The following UBE3A variants were observed in gnomAD, a reference collection of about 807,000 sequenced individuals.
UBE3A encodes ubiquitin-protein ligase E3A.
UBE3A carries 6 observed loss-of-function variants against 83.4 expected under a neutral mutation model. The ratio of observed to expected loss-of-function variants is 0.07; its 90% CI spans 0.04 to 0.14. The LOEUF is 0.14. Among genes scored for constraint, UBE3A ranks in the 10% least tolerant of loss-of-function variants. The probability of loss-of-function intolerance (pLI) is 1.00; values close to 1 mark genes in which losing one functional copy is unlikely to be tolerated. For synonymous variants in UBE3A, 337 were observed against 355.4 expected (o/e 0.95, Z 0.58); for missense variants, 456 against 1,036.1 (o/e 0.44, Z 7.69).
At position 25,351,400 on chromosome 15, in the gene UBE3A, G is replaced by C. The variant is rs898895424; in HGVS notation, c.2354+2953C>G. Among the ~76,000 whole-genome samples, 3 of 152,152 alleles carry C rather than the reference G, an allele frequency of 2.0e-5. No individual in the cohort carries two copies. In the East Asian group the frequency reaches 5.8e-4, roughly 29 times the overall value. ...AAAATTACTAGAAAAGACAGAAAGC[G>C]AGTGAGACTTTTAAGTTATTCCTAC... On this transcript the variant is annotated intron_variant, in intron 11 of 12. Coordinates refer to ENST00000648336, the MANE Select transcript of UBE3A (RefSeq NM_130839.5).
intron 8 of UBE3A, 44 bp downstream of exon 8, chr15:25,356,647 A>G: frequency 2.5e-6 from 4 of 1,573,770 alleles, no homozygotes; most frequent in African/African-American, 1.4e-5. Flanking sequence ...TTGCATTTAA[A>G]TAAAATCTAA....
At chr15:25,367,023 A>G (rs1241113713) in intron 6 of UBE3A, among the ~76,000 whole-genome samples, 2 of 151,730 alleles carry the variant, frequency 1.3e-5, no homozygotes, top group African/African-American at 2.4e-5. Flanking sequence ...TGATGGCAAT[A>G]CTATATTCTT....
intron 6 of UBE3A, among the ~76,000 whole-genome samples, chr15:25,364,226 A>T (rs2078645524): frequency 2.0e-5 from 3 of 152,106 alleles, no homozygotes; most frequent in East Asian, 3.9e-4. Context: ...AAAATAAATA[A>T]AATAGTAAAA....
chr15:25,376,770 T>TATTTAATTTTTATATAATTTAA (rs1407064417), intron 4 of UBE3A, among the ~76,000 whole-genome samples: 13 of 151,454 alleles, frequency 8.6e-5, no homozygotes, highest in South Asian at 2.1e-4. Flanking sequence ...ATATTTTAAG[T>TATTTAATTTTTATATAATTTAA]TCCATCACGT....
intron 2 of UBE3A, among the ~76,000 whole-genome samples, chr15:25,409,630 C>G (rs1194607771): frequency 2.6e-5 from 4 of 151,680 alleles, no homozygotes; most frequent in Non-Finnish European, 4.4e-5. Flanking sequence ...GACTTCCTAT[C>G]AAGGGATGGA....
At chr15:25,352,969 T>C (rs1249742977) in intron 11 of UBE3A, among the ~76,000 whole-genome samples, 1 of 152,224 alleles carries the variant, frequency 6.6e-6, no homozygotes, top group African/African-American at 2.4e-5. Flanking sequence ...AAGACTTTAA[T>C]TTCAAAGATA....
chr15:25,432,037 A>T (rs1184389096), intron 1 of UBE3A, among the ~76,000 whole-genome samples: 2 of 152,238 alleles, frequency 1.3e-5, no homozygotes, highest in African/African-American at 4.8e-5. Context: ...GAACAGCATT[A>T]TGGTTCACAT....
rs573151338 is a variant in UBE3A at position 25,386,235 on chromosome 15, C to T, written c.63-10472G>A. Among the ~76,000 whole-genome samples the T allele has an allele frequency of 3.3e-5, 5 of 152,250 alleles. No homozygotes were observed. In the East Asian group the frequency reaches 9.7e-4, roughly 29 times the overall value. On this transcript the variant is annotated intron_variant, in intron 4 of 12. Transcript: ENST00000648336. ...CTAATCATAAGACTACAGAACTCTT[C>T]TCCTCTCCCTACACCTTACAACCAC...
At chr15:25,416,807 T>C (rs116441100) in intron 1 of UBE3A, among the ~76,000 whole-genome samples, 52 of 152,174 alleles carry the variant, frequency 3.4e-4, no homozygotes, top group African/African-American at 1.2e-3. Flanking sequence ...CAGAGGACTA[T>C]AATGCATGAA....
intron 1 of UBE3A, among the ~76,000 whole-genome samples, chr15:25,427,588 A>T (rs1204279699): frequency 7.8e-6 from 1 of 128,112 alleles, no homozygotes; most frequent in African/African-American, 2.7e-5. Context: ...CAACATAGGA[A>T]GACCCCATCT....
chr15:25,351,361 C>T (rs934255671), intron 11 of UBE3A, among the ~76,000 whole-genome samples: 2 of 152,160 alleles, frequency 1.3e-5, no homozygotes, highest in African/African-American at 4.8e-5. Context: ...TCTAGGCAAT[C>T]AGAATCCACG....
In UBE3A at chr15:25,375,776, T is replaced by A. The variant is rs2081097547; in HGVS notation, c.63-13A>T. ...AGCTGCTCGCTTCCTGTACCAAACA[T>A]TCAAACAATAAGCACAGTGATTAGT... On this transcript the variant is annotated splice_polypyrimidine_tract_variant and intron_variant, in intron 4 of 12. Transcript: ENST00000648336. The A allele has an allele frequency of 6.2e-7, 1 of 1,606,324 alleles. No individual in the cohort carries two copies. The highest frequency in any genetic ancestry group is 1.7e-5 in the Admixed American group (1 of 59,994).
At chr15:25,369,897 G>A (rs1040934098) in intron 6 of UBE3A, among the ~76,000 whole-genome samples, 3 of 152,130 alleles carry the variant, frequency 2.0e-5, no homozygotes, top group Non-Finnish European at 4.4e-5. Context: ...AATCTCCCTG[G>A]ACTTGATGTT....
chr15:25,352,953 A>AAAATT (rs2076721632), intron 11 of UBE3A, among the ~76,000 whole-genome samples: 1 of 152,224 alleles, frequency 6.6e-6, no homozygotes, highest in Non-Finnish European at 1.5e-5. Flanking sequence ...AGCTAGAAGT[A>AAAATT]AAATTAAGAC....
intron 1 of UBE3A, among the ~76,000 whole-genome samples, chr15:25,429,624 G>GCT (rs1003079263): frequency 6.6e-6 from 1 of 152,016 alleles, no homozygotes; most frequent in African/African-American, 2.4e-5. Context: ...CAAGGCAGGA[G>GCT]GATCACTTGA....
chr15:25,428,760 G>C (rs1389966231), intron 1 of UBE3A, among the ~76,000 whole-genome samples: 3 of 152,092 alleles, frequency 2.0e-5, no homozygotes, highest in Non-Finnish European at 2.9e-5. Context: ...ACAATCCCAA[G>C]TATGGGTGAG....
intron 11 of UBE3A, among the ~76,000 whole-genome samples, chr15:25,342,899 T>G (rs1456730714): frequency 6.6e-6 from 1 of 152,032 alleles, no homozygotes; most frequent in African/African-American, 2.4e-5. Flanking sequence ...AGAAAAGTAC[T>G]TGGGTCCAGC....
At chr15:25,384,841 G>C (rs934733265) in intron 4 of UBE3A, among the ~76,000 whole-genome samples, 2 of 152,092 alleles carry the variant, frequency 1.3e-5, no homozygotes, top group African/African-American at 4.8e-5. Flanking sequence ...GCAGAAGAGA[G>C]AACACAGAAA....
At chr15:25,418,403 A>G (rs1888022300) in intron 1 of UBE3A, 2 of 152,228 alleles carry the variant, frequency 1.3e-5, no homozygotes, top group Admixed American at 6.5e-5. Flanking sequence ...AACTGAAAAC[A>G]GCCCAGGTGT....
Sources: gnomAD v4.1 joint callset for allele counts (sites outside exome capture counted in the v4.1 genomes callset) on GRCh38, gnomAD v4.1.1 for gene constraint, MANE v1.5 for transcripts, NCBI Gene and HGNC (gene_info 2026-07-23, HGNC 2026-07-21) for gene names.